ZGRF1: variants seen among roughly 807,000 people sequenced by gnomAD.
ZGRF1 encodes the protein zinc finger GRF-type containing 1.
In ZGRF1, 196 loss-of-function variants were observed where a neutral mutation model predicts 203.5. That is an observed-to-expected ratio of 0.96 (90% CI 0.86 to 1.08). The LOEUF is 1.08. Among genes scored for constraint, ZGRF1 ranks in the 50% least tolerant of loss-of-function variants. The probability of loss-of-function intolerance (pLI) is 0.00; values close to 1 mark genes in which losing one functional copy is unlikely to be tolerated. For missense variants in ZGRF1, 2,326 were observed against 2,416.3 expected (o/e 0.96, Z 0.78); for synonymous variants, 809 against 841.3 (o/e 0.96, Z 0.66).
intron 16 of ZGRF1, among the ~76,000 whole-genome samples, chr4:112,569,573 G>GA (rs1308271434): frequency 1.5e-4 from 23 of 152,080 alleles, no homozygotes; most frequent in Non-Finnish European, 2.4e-4. Flanking sequence ...AGAACCAAGG[G>GA]ATGTGGGTGC....
intron 21 of ZGRF1, 77 bp downstream of exon 21, chr4:112,554,628 A>C: frequency 1.4e-6 from 1 of 708,876 alleles, no homozygotes; most frequent in Non-Finnish European, 2.5e-6. Flanking sequence ...CAAAAATCAA[A>C]CTTAAGGTAA....
rs560933761 is a variant in ZGRF1 at position 112,539,391 on chromosome 4, C to T, written c.*156G>A. The stretch of plus-strand genomic sequence containing the variant: ...GTAGGATTTTATACTACCTTTTGTA[C>T]ACTTTTTTGAAGAACAAAATTTTTA... On this transcript the variant is annotated 3_prime_UTR_variant, in exon 28 of 28. Coordinates refer to ENST00000505019, the MANE Select transcript of ZGRF1 (RefSeq NM_018392.5). 10 of 452,560 alleles carry T rather than the reference C, an allele frequency of 2.2e-5. No individual in the cohort carries two copies. Among genetic ancestry groups the T allele is most frequent in the African/African-American group, 1.0e-4 (5 of 49,504 alleles). The allele number at this position is 452,560 out of a possible 1,614,324, so 28.0% of individuals were successfully genotyped here. A position where few individuals can be genotyped will look rare whatever the true frequency, so the allele number is the denominator to read the frequency against.
chr4:112,632,048 A>G, intron 2 of ZGRF1, 38 bp from the exon 3 acceptor site: 3 of 1,015,890 alleles, frequency 3.0e-6, no homozygotes, highest in Non-Finnish European at 4.3e-6. Context: ...GTTTCCATTT[A>G]TATATATTTA....
At chr4:112,585,282 TAATAAAAATA>T (rs1444743431) in intron 14 of ZGRF1, among the ~76,000 whole-genome samples, 1 of 151,946 alleles carries the variant, frequency 6.6e-6, no homozygotes, top group Non-Finnish European at 1.5e-5. Flanking sequence ...AAAATAGTAA[TAATAAAAATA>T]AATAAAAATA....
intron 16 of ZGRF1, among the ~76,000 whole-genome samples, chr4:112,567,630 C>A (rs1743370773): frequency 6.6e-6 from 1 of 152,078 alleles, no homozygotes; most frequent in Admixed American, 6.6e-5. Context: ...TATGCACATA[C>A]ATACAAGAAA....
chr4:112,589,854 G>A lies in ZGRF1; in HGVS notation c.2997C>T (p.Asn999=), dbSNP rs557903212. ...DFLQVTSPEE[N]ISTLSPVSTF... is the part of the protein sequence containing the mutation. ...TAGAAACAGGGCTCAATGTAGAGAT[G>A]TTTTCTTCTGGTGATGTCACCTATA... Residue 999 remains asparagine (N), a synonymous_variant, in exon 11 of 28, where the codon AAC becomes AAT. Coordinates refer to ENST00000505019, the MANE Select transcript of ZGRF1 (RefSeq NM_018392.5). The A allele has an allele frequency of 6.2e-7, 1 of 1,603,142 alleles. No homozygotes were observed. Among genetic ancestry groups the A allele is most frequent in the East Asian group, 2.2e-5 (1 of 44,764 alleles).
chr4:112,625,128 A>C (rs1454747391), intron 3 of ZGRF1, among the ~76,000 whole-genome samples: 2 of 152,034 alleles, frequency 1.3e-5, no homozygotes, highest in Admixed American at 6.6e-5. Context: ...TCTCTAAAAA[A>C]TTTTTTTTAT....
chr4:112,578,943 C>G lies in ZGRF1; in HGVS notation c.4438+2720G>C, dbSNP rs1745720127. ...TTCTGAGGCCAGAATCACCCTGATACCAAAGCCTGGCAGAGACACAACAAA... is the reference window on the plus strand; with the variant it reads ...TTCTGAGGCCAGAATCACCCTGATAGCAAAGCCTGGCAGAGACACAACAAA... On this transcript the variant is annotated intron_variant, in intron 16 of 27. Coordinates refer to ENST00000505019, the MANE Select transcript of ZGRF1 (RefSeq NM_018392.5). Among the ~76,000 whole-genome samples, 2 of 122,914 alleles carry G rather than the reference C, an allele frequency of 1.6e-5. 1 individual carries two copies. The highest frequency in any genetic ancestry group is 3.6e-5 in the Non-Finnish European group (2 of 55,030). The allele number at this position is 122,914 out of a possible 152,430, so 80.6% of individuals were successfully genotyped here. A position where few individuals can be genotyped will look rare whatever the true frequency, so the allele number is the denominator to read the frequency against.
Position 112,618,528 on chromosome 4 carries a change from T to C in ZGRF1, c.1514A>G (p.Glu505Gly). Residue 505 changes from glutamate to glycine, a missense_variant, in exon 6 of 28, where the codon GAA becomes GGA. Physicochemically the swap from Glu to Gly is moderately conservative, Grantham distance 98. Coordinates refer to ENST00000505019, the MANE Select transcript of ZGRF1 (RefSeq NM_018392.5). ...ISDDITDMIS[E>G]SKMDNESLNS... ...AAGACTTTCATTATCCATTTTACTT[T>C]CAGAAATCATGTCTGTAATGTCATC... 1 of 1,613,342 alleles carries C rather than the reference T, an allele frequency of 6.2e-7. No individual in the cohort carries two copies. The highest frequency in any genetic ancestry group is 8.5e-7 in the Non-Finnish European group (1 of 1,179,636).
At chr4:112,552,134 C>T (rs1347052197) in intron 22 of ZGRF1, among the ~76,000 whole-genome samples, 7 of 151,770 alleles carry the variant, frequency 4.6e-5, no homozygotes, top group Admixed American at 1.3e-4. Flanking sequence ...AAAAATTAGC[C>T]GGGTGCGGTG....
intron 16 of ZGRF1, among the ~76,000 whole-genome samples, chr4:112,573,981 T>C (rs191306361): frequency 1.4e-4 from 21 of 152,318 alleles, no homozygotes; most frequent in Admixed American, 3.3e-4. Context: ...CATCTTATAC[T>C]CATTTGAATG....
chr4:112,547,068 A>G (rs1738943923), intron 24 of ZGRF1, among the ~76,000 whole-genome samples: 1 of 152,184 alleles, frequency 6.6e-6, no homozygotes. Context: ...ACTCCTACCC[A>G]CTACTCAAAT....
At chr4:112,555,076 T>G (rs3736215) in intron 20 of ZGRF1, among the ~76,000 whole-genome samples, 1 of 151,918 alleles carries the variant, frequency 6.6e-6, no homozygotes, top group Non-Finnish European at 1.5e-5. Context: ...AGACATAATA[T>G]AGAAAGCAAT....
At chr4:112,597,638 G>A (rs1321824419) in intron 10 of ZGRF1, among the ~76,000 whole-genome samples, 1 of 152,036 alleles carries the variant, frequency 6.6e-6, no homozygotes, top group Non-Finnish European at 1.5e-5. Flanking sequence ...CAGCACTTTT[G>A]GAGGCTGAGG....
At chr4:112,634,649 CA>C (rs112562230) in intron 1 of ZGRF1, among the ~76,000 whole-genome samples, 40 of 141,794 alleles carry the variant, frequency 2.8e-4, no homozygotes, top group Non-Finnish European at 2.6e-4. Flanking sequence ...AAAACTGTCT[CA>C]AAAAAAAAAA....
intron 10 of ZGRF1, among the ~76,000 whole-genome samples, chr4:112,602,082 A>T (rs1750072570): frequency 6.6e-6 from 1 of 152,114 alleles, no homozygotes; most frequent in Non-Finnish European, 1.5e-5. Context: ...ACATGCCTGT[A>T]ATCCCAGCTA....
chr4:112,561,036 G>A (rs1169634801), intron 18 of ZGRF1, 41 bp from the exon 19 acceptor site: 2 of 1,490,168 alleles, frequency 1.3e-6, no homozygotes, highest in Non-Finnish European at 9.3e-7. Flanking sequence ...AAAAAAAGGG[G>A]CATTTGAAAA....
intron 6 of ZGRF1, 116 bp from the exon 7 acceptor site, chr4:112,612,704 C>G (rs565036140): frequency 3.3e-6 from 2 of 612,528 alleles, no homozygotes; most frequent in Admixed American, 5.9e-5. Flanking sequence ...ATCAGACAAT[C>G]TTGGTAATTG....
chr4:112,614,358 G>T (rs2046792635), intron 6 of ZGRF1, among the ~76,000 whole-genome samples: 1 of 152,148 alleles, frequency 6.6e-6, no homozygotes, highest in Non-Finnish European at 1.5e-5. Context: ...ATACTTTCAT[G>T]GTCATTTGCA....
Sources: allele counts gnomAD v4.1 joint callset (sites outside exome capture counted in the v4.1 genomes callset), GRCh38; gene constraint gnomAD v4.1.1; transcripts MANE v1.5; gene names NCBI Gene and HGNC (gene_info 2026-07-23, HGNC 2026-07-21).